HIVEP3: variants seen among roughly 807,000 people sequenced by gnomAD.
HIVEP3 encodes HIVEP zinc finger 3, also known as transcription factor HIVEP3.
In HIVEP3, 49 loss-of-function variants were observed where a neutral mutation model predicts 152.8. The ratio of observed to expected loss-of-function variants is 0.32; its 90% CI spans 0.26 to 0.41. The LOEUF is 0.41. HIVEP3 is among the 10% of genes least tolerant of loss of function. HIVEP3 has a pLI of 1.00. For missense variants in HIVEP3, 2,790 were observed against 3,103.3 expected, an observed-to-expected ratio of 0.90 and a Z score of 2.40; for synonymous variants, 1,269 against 1,289.0, an observed-to-expected ratio of 0.98 and a Z score of 0.33.
rs548711368 is a variant in HIVEP3, at chr1:41,695,683, C to A, written c.-721+5233G>T. Reference sequence around the variant, plus strand: ...TGGATGTCAGGTGAGGGCATATGGGCTTCATCCTGTGGGCAGAGAGAAATG... The same window carrying A: ...TGGATGTCAGGTGAGGGCATATGGGATTCATCCTGTGGGCAGAGAGAAATG... On this transcript the variant is annotated intron_variant, in intron 2 of 8. Transcript: ENST00000372583. Among the ~76,000 whole-genome samples, 20 of 152,346 alleles carry A rather than the reference C, an allele frequency of 1.3e-4. No individual in the cohort carries two copies. In the East Asian group the frequency reaches 3.9e-3, roughly 29 times the overall value.
Position 41,582,247 on chromosome 1 carries a change from G to C in HIVEP3, c.2551C>G (p.Pro851Ala). The change falls in exon 4 of 9, where the codon CCC (proline) becomes GCC (alanine). Residue 851 changes from proline to alanine, a missense_variant. By Grantham distance (27) the Pro-to-Ala change is conservative (BLOSUM62 -1). Around this residue, in one of 9 missense-constraint regions of HIVEP3, gnomAD observed 1,078 missense variants for 1,165.3 expected, o/e 0.93. Transcript: ENST00000372583. The surrounding 1 kb of genome is among the most constrained non-coding windows in gnomAD (Gnocchi z 4.7). ...HSLQPKLVRQ[P>A]NIQVPEILVT... The stretch of plus-strand genomic sequence containing the variant: ...AGGATCTCAGGAACCTGAATGTTGG[G>C]CTGGCGGACCAACTTAGGCTGCAGG... 1 of 1,613,932 alleles carries C rather than the reference G, an allele frequency of 6.2e-7. No individual in the cohort carries two copies. The highest frequency in any genetic ancestry group is 8.5e-7 in the Non-Finnish European group (1 of 1,179,886).
At chr1:41,546,515 A>C (rs1311561601) in intron 5 of HIVEP3, among the ~76,000 whole-genome samples, 2 of 152,212 alleles carry the variant, frequency 1.3e-5, no homozygotes, top group African/African-American at 4.8e-5. Flanking sequence ...AGGAGCCCCC[A>C]GGTGTGGAGG....
At chr1:41,846,406 G>A (rs1291066218) in intron 1 of HIVEP3, among the ~76,000 whole-genome samples, 1 of 152,148 alleles carries the variant, frequency 6.6e-6, no homozygotes, top group Non-Finnish European at 1.5e-5. Flanking sequence ...AACTCCTGTT[G>A]GATTTTTCAT....
At chr1:41,641,515 T>A (rs1375668387) in intron 2 of HIVEP3, among the ~76,000 whole-genome samples, 1 of 152,226 alleles carries the variant, frequency 6.6e-6, no homozygotes, top group South Asian at 2.1e-4. Flanking sequence ...CCAAAGGAAA[T>A]TGTGTGCCAC....
At chr1:41,903,508 G>A (rs961009341) in intron 1 of HIVEP3, among the ~76,000 whole-genome samples, 3 of 152,232 alleles carry the variant, frequency 2.0e-5, no homozygotes, top group East Asian at 1.9e-4. Flanking sequence ...ATTACTGGAG[G>A]TGAGGCTAGA....
chr1:41,512,682 G>A (rs1642466191), intron 8 of HIVEP3, 134 bp downstream of exon 8: 1 of 748,988 alleles, frequency 1.3e-6, no homozygotes, highest in Non-Finnish European at 2.1e-6. Context: ...CCTAATAAAT[G>A]TTTGCGAAAT....
chr1:41,728,336 A>G (rs995383896), intron 1 of HIVEP3, among the ~76,000 whole-genome samples: 2 of 152,222 alleles, frequency 1.3e-5, no homozygotes, highest in African/African-American at 4.8e-5. Flanking sequence ...CCTCAGCCCC[A>G]GCCCAGGGAG....
Position 41,510,884 on chromosome 1 carries a change from A to C in HIVEP3, c.6788T>G (p.Phe2263Cys). The C allele has an allele frequency of 6.2e-7, 1 of 1,613,352 alleles. No homozygotes were observed. Among genetic ancestry groups the C allele is most frequent in the Non-Finnish European group, 8.5e-7 (1 of 1,179,854 alleles). Residue 2263 changes from phenylalanine (F) to cysteine (C), a missense_variant, in exon 9 of 9, where the codon TTC becomes TGC. Around this residue, in one of 9 missense-constraint regions of HIVEP3, gnomAD observed 816 missense variants for 806.5 expected, o/e 1.01. Coordinates refer to ENST00000372583, the MANE Select transcript of HIVEP3 (RefSeq NM_024503.5). ...GCCCTCCAGCTCTGAGGAGAGTGTGAATTTGGAGACCTTAGCCACAGGCGA... is the reference window on the plus strand; with the variant it reads ...GCCCTCCAGCTCTGAGGAGAGTGTGCATTTGGAGACCTTAGCCACAGGCGA... ...SVSPVAKVSK[F>C]TLSSELEGGD...
chr1:41,766,080 G>A (rs1647990707), intron 1 of HIVEP3, among the ~76,000 whole-genome samples: 1 of 152,204 alleles, frequency 6.6e-6, no homozygotes, highest in Non-Finnish European at 1.5e-5. Context: ...ATGAGTCCTG[G>A]GCAGGTTCAG....
chr1:41,634,119 C>G (rs1368184141), intron 2 of HIVEP3, among the ~76,000 whole-genome samples: 1 of 141,570 alleles, frequency 7.1e-6, no homozygotes, highest in Non-Finnish European at 1.5e-5. Flanking sequence ...CGCATCTTTT[C>G]TTAAAAAAAA....
At chr1:41,903,218 T>A (rs1037446595) in intron 1 of HIVEP3, among the ~76,000 whole-genome samples, 2 of 152,180 alleles carry the variant, frequency 1.3e-5, no homozygotes, top group African/African-American at 4.8e-5. Flanking sequence ...GGGAACTAGA[T>A]GGGGCTCCTG....
At chr1:41,692,768 G>C (rs1646216700) in intron 2 of HIVEP3, among the ~76,000 whole-genome samples, 1 of 152,150 alleles carries the variant, frequency 6.6e-6, no homozygotes, top group Admixed American at 6.5e-5. Flanking sequence ...ATATGTCAAA[G>C]GCATCTTTCC....
At chr1:41,605,375 G>A (rs199767049) in intron 3 of HIVEP3, among the ~76,000 whole-genome samples, 18,507 of 126,704 alleles carry the variant, frequency 0.15, 2,174 homozygotes, top group African/African-American at 0.36. Flanking sequence ...ACGCACACGC[G>A]CACACACACA....
At chr1:41,783,207 C>G (rs918343046) in intron 1 of HIVEP3, among the ~76,000 whole-genome samples, 2 of 152,170 alleles carry the variant, frequency 1.3e-5, no homozygotes, top group East Asian at 1.9e-4. Context: ...TTGGCAGAAG[C>G]TGGCACGGAC....
At chr1:41,956,258 A>G (rs11210555) in intron 1 of HIVEP3, among the ~76,000 whole-genome samples, 2,333 of 152,350 alleles carry the variant, frequency 0.015, 58 homozygotes, top group African/African-American at 0.054. Context: ...CAGAGAAACT[A>G]AGGAACATAA....
chr1:41,514,700 G>A (rs915993613), intron 7 of HIVEP3, among the ~76,000 whole-genome samples: 3 of 152,214 alleles, frequency 2.0e-5, no homozygotes, highest in Non-Finnish European at 4.4e-5. Flanking sequence ...GCCCACTTTT[G>A]TCCACTTTGG....
intron 3 of HIVEP3, among the ~76,000 whole-genome samples, chr1:41,615,870 T>C (rs1644961722): frequency 6.7e-6 from 1 of 149,228 alleles, no homozygotes; most frequent in Non-Finnish European, 1.5e-5. Flanking sequence ...TTCACTAGTG[T>C]TATATTATCA....
intron 1 of HIVEP3, among the ~76,000 whole-genome samples, chr1:41,731,334 C>T (rs1646836345): frequency 6.6e-6 from 1 of 152,100 alleles, no homozygotes; most frequent in Non-Finnish European, 1.5e-5. Flanking sequence ...ACCCCAGGGC[C>T]CCAGTAAGCC....
At chr1:41,576,207 C>T (rs1644325231) in intron 4 of HIVEP3, among the ~76,000 whole-genome samples, 1 of 152,232 alleles carries the variant, frequency 6.6e-6, no homozygotes, top group African/African-American at 2.4e-5. Flanking sequence ...AGGTCTCTTG[C>T]TTCCAGGATC....
Sources: gnomAD v4.1 joint callset for allele counts (sites outside exome capture counted in the v4.1 genomes callset) on GRCh38, gnomAD v4.1.1 for gene constraint, gnomAD v4.1.1 regional missense constraint, Gnocchi (gnomAD v3.1) non-coding constraint, MANE v1.5 for transcripts, NCBI Gene and HGNC (gene_info 2026-07-23, HGNC 2026-07-21) for gene names.